The following KMT2D variants were observed in gnomAD, a reference collection of about 807,000 sequenced individuals.
KMT2D encodes histone-lysine N-methyltransferase 2D.
In KMT2D, 55 loss-of-function variants were observed where a neutral mutation model predicts 512.7. The ratio of observed to expected loss-of-function variants is 0.11; its 90% confidence interval spans 0.09 to 0.13. The LOEUF (loss-of-function observed/expected upper bound fraction) is 0.13, where lower values mean the gene tolerates loss of function less well. Ranked by LOEUF, KMT2D falls within the 10% of genes least tolerant of loss-of-function variation. The probability of loss-of-function intolerance (pLI) is 1.00; values close to 1 mark genes in which losing one functional copy is unlikely to be tolerated. For missense variants in KMT2D, 6,061 were observed against 7,127.9 expected, an observed-to-expected ratio of 0.85 and a Z score of 5.39; for synonymous variants, 2,995 against 2,904.0, an observed-to-expected ratio of 1.03 and a Z score of -1.01.
rs751650636 is a variant in KMT2D at position 49,030,896 on chromosome 12, T to A, written c.13668A>T (p.Lys4556Asn). Reference protein sequence around the residue: ...RASEALLKQLKQELSLLPLTE... With the variant: ...RASEALLKQLNQELSLLPLTE... ...GGACTGTCTCCTGGGGGGTCACCTG[T>A]TTCAGCTGTTTCAGCAAGGCCTCGC... The change falls in exon 41 of 55, where the codon AAA (lysine) becomes AAT (asparagine). Residue 4556 changes from lysine to asparagine, a missense_variant. By Grantham distance (94) the Lys-to-Asn change is moderately conservative (BLOSUM62 0). Transcript: ENST00000301067. 59 of 1,613,498 alleles carry A rather than the reference T, an allele frequency of 3.7e-5. No homozygotes were observed. Among genetic ancestry groups the A allele is most frequent in the Non-Finnish European group, 4.9e-5 (58 of 1,179,698 alleles).
intron 43 of KMT2D, among the ~76,000 whole-genome samples, 193 bp from the exon 44 acceptor site, chr12:49,029,669 T>G (rs544961025): frequency 1.6e-4 from 19 of 116,368 alleles, no homozygotes; most frequent in African/African-American, 7.0e-4. Flanking sequence ...TTGTTTTTTG[T>G]TTTTTTTGTT....
At position 49,031,637 on chromosome 12, in the gene KMT2D, C is replaced by T. The variant is rs2120422143; in HGVS notation, c.13068G>A (p.Gly4356=). 1 of 1,604,056 alleles carries T rather than the reference C, an allele frequency of 6.2e-7. No individual in the cohort carries two copies. Among genetic ancestry groups the T allele is most frequent in the Non-Finnish European group, 8.5e-7 (1 of 1,175,546 alleles). Reference sequence around the variant, plus strand: ...GCTGGGCAGCAGCAGGTGAGACCCTCCCAGGAGGCGGCTCCAAGGTTGGCC... The same window carrying T: ...GCTGGGCAGCAGCAGGTGAGACCCTTCCAGGAGGCGGCTCCAAGGTTGGCC... ...PQGPTLEPPP[G]RVSPAAAQLA... Residue 4356 remains glycine (G), a synonymous_variant, in exon 40 of 55, where the codon GGG becomes GGA. Coordinates refer to ENST00000301067, the MANE Select transcript of KMT2D (RefSeq NM_003482.4).
chr12:49,031,863 G>C lies in KMT2D; in HGVS notation c.12842C>G (p.Pro4281Arg), dbSNP rs747113104. ...TGPLQELGAG[P>R]RPQGPPRLPA... Reference sequence around the variant, plus strand: ...GAGCCGGGGTGGGCCCTGAGGTCGAGGCCCTGCCCCTAGCTCCTGGAGGGG... The same window carrying C: ...GAGCCGGGGTGGGCCCTGAGGTCGACGCCCTGCCCCTAGCTCCTGGAGGGG... Residue 4281 changes from proline (P) to arginine (R), a missense_variant, in exon 40 of 55, where the codon CCT becomes CGT. Physicochemically the swap from Pro to Arg is moderately radical, Grantham distance 103 (BLOSUM62 -2). Around this residue, in one of 16 missense-constraint regions of KMT2D, gnomAD observed 1,600 missense variants for 1,754.9 expected, o/e 0.91. Coordinates refer to ENST00000301067, the MANE Select transcript of KMT2D (RefSeq NM_003482.4). 5.2e-6 allele frequency: 8 copies of C among 1,537,576 alleles called. No individual in the cohort carries two copies. Among genetic ancestry groups the C allele is most frequent in the East Asian group, 2.3e-5 (1 of 44,258 alleles).
In KMT2D at chr12:49,026,086, A is replaced by T; in HGVS notation, c.15784+96T>A. ...AGGTGGGGGAAGGAGGATCATTCAC[A>T]TAGAAGCTACAGGTCCTCTTATAGA... On this transcript the variant is annotated intron_variant, in intron 49 of 54. Coordinates refer to ENST00000301067, the MANE Select transcript of KMT2D (RefSeq NM_003482.4). The surrounding 1 kb of genome is among the most constrained non-coding windows in gnomAD (Gnocchi z 9.6). 1.6e-6 allele frequency: 2 copies of T among 1,217,634 alleles called. No individual in the cohort carries two copies. Among genetic ancestry groups the T allele is most frequent in the Non-Finnish European group, 2.3e-6 (2 of 880,160 alleles). The allele number at this position is 1,217,634 out of a possible 1,614,324, so 75.4% of individuals were successfully genotyped here. A position where few individuals can be genotyped will look rare whatever the true frequency, so the allele number is the denominator to read the frequency against.
chr12:49,037,020 G>A, intron 35 of KMT2D, 105 bp downstream of exon 35: 1 of 1,402,814 alleles, frequency 7.1e-7, no homozygotes, highest in Non-Finnish European at 9.5e-7. Context: ...AGTTCTTTGT[G>A]TCCCATCTTA....
intron 1 of KMT2D, 21 bp downstream of exon 1, chr12:49,059,592 G>A (rs1252414399): frequency 6.6e-6 from 1 of 152,280 alleles, no homozygotes; most frequent in African/African-American, 2.4e-5. Context: ...TCTGGGCCCT[G>A]GCCGGGCGGA....
intron 44 of KMT2D, 40 bp downstream of exon 44, chr12:49,029,361 C>T: frequency 1.3e-6 from 2 of 1,556,282 alleles, no homozygotes; most frequent in South Asian, 1.2e-5. Flanking sequence ...ACCTGTACCC[C>T]ACCCTTGTTC....
At chr12:49,045,270 C>T (rs1057508533) in intron 19 of KMT2D, among the ~76,000 whole-genome samples, 2 of 152,190 alleles carry the variant, frequency 1.3e-5, no homozygotes, top group Non-Finnish European at 2.9e-5. Flanking sequence ...TTGCTGAATG[C>T]CAGCACACAG....
At position 49,040,334 on chromosome 12, in the gene KMT2D, A is replaced by G. The variant is rs753229088; in HGVS notation, c.7436T>C (p.Phe2479Ser). Reference protein sequence around the residue: ...PPRPQPPEVAFKAGSLAHTSL... With the variant: ...PPRPQPPEVASKAGSLAHTSL... Reference sequence around the variant, plus strand: ...AGTGTGGGCTAGAGACCCAGCCTTAAAGGCAACTTCAGGGGGCTGGGGTCG... The same window carrying G: ...AGTGTGGGCTAGAGACCCAGCCTTAGAGGCAACTTCAGGGGGCTGGGGTCG... The change falls in exon 32 of 55, where the codon TTT becomes TCT. Residue 2479 changes from phenylalanine (F) to serine (S), a missense_variant. This residue lies in a region of KMT2D where 710 missense variants were observed against 647.3 expected (regional missense o/e 1.10). Coordinates refer to ENST00000301067, the MANE Select transcript of KMT2D (RefSeq NM_003482.4). The G allele has an allele frequency of 5.1e-6, 8 of 1,571,556 alleles. No homozygotes were observed. In the African/African-American group the frequency reaches 1.1e-4, roughly 21 times the overall value.
rs2120521720 is a variant in KMT2D at position 49,040,067 on chromosome 12, G to A, written c.7703C>T (p.Pro2568Leu). 1.2e-6 allele frequency: 2 copies of A among 1,613,944 alleles called. No homozygotes were observed. Among genetic ancestry groups the A allele is most frequent in the Non-Finnish European group, 1.7e-6 (2 of 1,179,860 alleles). Residue 2568 changes from proline (P) to leucine (L), a missense_variant, in exon 32 of 55, where the codon CCC becomes CTC. By Grantham distance (98) the Pro-to-Leu change is moderately conservative. Around this residue, in one of 16 missense-constraint regions of KMT2D, gnomAD observed 710 missense variants for 647.3 expected, o/e 1.10. Coordinates refer to ENST00000301067, the MANE Select transcript of KMT2D (RefSeq NM_003482.4). ...TTGAGGCTTGCCCAAGGTGGGGCCG[G>A]GCCCAAAATGGCTGTTGATCCCATG... ...PPHGINSHFG[P>L]GPTLGKPQST...
chr12:49,032,529 G>C lies in KMT2D; in HGVS notation c.12176C>G (p.Ala4059Gly), dbSNP rs1942971743. ...GGGCTTTACCTCTCCTGGTTCAGTG[G>C]CCATTGACTCAGGGGTAGTTCCTAT... ...LAIGTTPESM[A>G]TEPGEVKPSL... The change falls in exon 40 of 55, where the codon GCC (alanine) becomes GGC (glycine). Residue 4059 changes from alanine (A) to glycine (G), a missense_variant. Coordinates refer to ENST00000301067, the MANE Select transcript of KMT2D (RefSeq NM_003482.4). 2 of 1,599,424 alleles carry C rather than the reference G, an allele frequency of 1.3e-6. No individual in the cohort carries two copies. Among genetic ancestry groups the C allele is most frequent in the Non-Finnish European group, 1.7e-6 (2 of 1,173,044 alleles).
In KMT2D at chr12:49,041,768, G is replaced by A; in HGVS notation, c.6184-63C>T. 1 of 1,558,910 alleles carries A rather than the reference G, an allele frequency of 6.4e-7. No homozygotes were observed. Among genetic ancestry groups the A allele is most frequent in the East Asian group, 2.4e-5 (1 of 42,472 alleles). On this transcript the variant is annotated intron_variant, in intron 30 of 54. Transcript: ENST00000301067. The surrounding 1 kb of genome is among the most constrained non-coding windows in gnomAD (Gnocchi z 5.4). Reference sequence around the variant, plus strand: ...TGGTCTCATGCCCCGCCCCCATACTGTAGTGTTTTCACACTCCCTACCCAG... The same window carrying A: ...TGGTCTCATGCCCCGCCCCCATACTATAGTGTTTTCACACTCCCTACCCAG...
At position 49,042,984 on chromosome 12, in the gene KMT2D, G is replaced by A; in HGVS notation, c.5644+92C>T. On this transcript the variant is annotated intron_variant, in intron 26 of 54. Transcript: ENST00000301067. The surrounding 1 kb of genome is among the most constrained non-coding windows in gnomAD (Gnocchi z 4.4). ...GAACAGTCCAGGACTCCCCACCAGA[G>A]AAGCTGTACAGATCACAGTCCCAAA... is the stretch of plus-strand genomic sequence containing the variant. 6.4e-7 allele frequency: 1 copy of A among 1,566,240 alleles called. No homozygotes were observed. The highest frequency in any genetic ancestry group is 1.1e-5 in the South Asian group (1 of 89,618).
At chr12:49,055,942 A>G (rs1237169824) in intron 1 of KMT2D, among the ~76,000 whole-genome samples, 1 of 152,158 alleles carries the variant, frequency 6.6e-6, no homozygotes, top group Non-Finnish European at 1.5e-5. Context: ...GGACATCACC[A>G]TTACAAAAGA....
Position 49,044,673 on chromosome 12 carries a change from C to T in KMT2D, c.4963+71G>A. The T allele has an allele frequency of 6.4e-7, 1 of 1,553,864 alleles. No homozygotes were observed. The highest frequency in any genetic ancestry group is 8.8e-7 in the Non-Finnish European group (1 of 1,134,506). On this transcript the variant is annotated intron_variant, in intron 20 of 54. Transcript: ENST00000301067. The surrounding 1 kb of genome is among the most constrained non-coding windows in gnomAD (Gnocchi z 6.4). ...AGGGTAACTGAGTGGCAATGTAGCCCCCACCCAACATCCCACTCCCAGAGT... is the reference window on the plus strand; with the variant it reads ...AGGGTAACTGAGTGGCAATGTAGCCTCCACCCAACATCCCACTCCCAGAGT...
At position 49,031,155 on chromosome 12, in the gene KMT2D, A is replaced by G. The variant is rs554386802; in HGVS notation, c.13530+20T>C. 15 of 1,606,452 alleles carry G rather than the reference A, an allele frequency of 9.3e-6. No individual in the cohort carries two copies. The highest frequency in any genetic ancestry group is 2.2e-5 in the East Asian group (1 of 44,768). ...CTCTAGGACCCACTCTACCTGCTCC[A>G]CTCTACTCAGAGTACTCACCTCCTT... On this transcript the variant is annotated intron_variant, in intron 40 of 54. Transcript: ENST00000301067.
Position 49,050,742 on chromosome 12 carries a change from G to T in KMT2D, c.2846C>A (p.Pro949Gln), listed in dbSNP as rs550306157. 1 of 1,613,008 alleles carries T rather than the reference G, an allele frequency of 6.2e-7. No homozygotes were observed. The highest frequency in any genetic ancestry group is 1.7e-5 in the Admixed American group (1 of 59,970). The change falls in exon 12 of 55, where the codon CCG becomes CAG. Residue 949 changes from proline to glutamine, a missense_variant. Physicochemically the swap from Pro to Gln is moderately conservative, Grantham distance 76. This residue lies in a region of KMT2D where 848 missense variants were observed against 838.5 expected (regional missense o/e 1.01). Transcript: ENST00000301067. ...TAACTCCCCCAAAGGAGACAGGGCCGGTGGGGCCGCAGCTGTGATGATGGG... is the reference window on the plus strand; with the variant it reads ...TAACTCCCCCAAAGGAGACAGGGCCTGTGGGGCCGCAGCTGTGATGATGGG... ...LSPIITAAAP[P>Q]ALSPLGELEY...
chr12:49,028,631 C>T (rs1942731695), intron 46 of KMT2D, among the ~76,000 whole-genome samples, 197 bp downstream of exon 46: 2 of 152,318 alleles, frequency 1.3e-5, no homozygotes, highest in African/African-American at 4.8e-5. Context: ...CTGTCTTTAC[C>T]ATGGGACTAC....
At position 49,030,924 on chromosome 12, in the gene KMT2D, G is replaced by T; in HGVS notation, c.13640C>A (p.Ala4547Asp). ...CAGCTGTTTCAGCAAGGCCTCGCTG[G>T]CCCTGACCCCGTCCTCCTTCCGCAG... is the stretch of plus-strand genomic sequence containing the variant. The part of the protein sequence containing the change: ...KKLRKEDGVR[A>D]SEALLKQLKQ... Residue 4547 changes from alanine (A) to aspartate (D), a missense_variant, in exon 41 of 55, where the codon GCC becomes GAC. Ala to Asp is a moderately radical substitution (Grantham distance 126, BLOSUM62 -2). Transcript: ENST00000301067. 1 of 1,613,870 alleles carries T rather than the reference G, an allele frequency of 6.2e-7. No individual in the cohort carries two copies. The highest frequency in any genetic ancestry group is 1.1e-5 in the South Asian group (1 of 91,070).
Sources: allele counts gnomAD v4.1 joint callset (sites outside exome capture counted in the v4.1 genomes callset), GRCh38; gene constraint gnomAD v4.1.1; regional missense constraint gnomAD v4.1.1; non-coding constraint Gnocchi (gnomAD v3.1); transcripts MANE v1.5; gene names NCBI Gene and HGNC (gene_info 2026-07-23, HGNC 2026-07-21).